The following CCL22 variants were observed in gnomAD, a reference collection of about 807,000 sequenced individuals.
CCL22 encodes C-C motif chemokine ligand 22.
Under a neutral mutation model 7.6 loss-of-function variants are expected in CCL22, and 7 were observed. That is an observed-to-expected ratio of 0.92 (90% CI 0.52 to 1.72). The LOEUF is 1.72. Ranked by LOEUF, CCL22 falls within the 40% of genes most tolerant of loss-of-function variation. The probability of loss-of-function intolerance (pLI) is 0.00; values close to 1 mark genes in which losing one functional copy is unlikely to be tolerated. For synonymous variants in CCL22, 55 were observed against 47.2 expected (o/e 1.17, Z -0.68); for missense variants, 115 against 124.7 (o/e 0.92, Z 0.37).
chr16:57,361,809 C>G (rs1902053273), intron 2 of CCL22, among the ~76,000 whole-genome samples: 1 of 152,256 alleles, frequency 6.6e-6, no homozygotes, highest in Admixed American at 6.5e-5. Flanking sequence ...TCTCATCTTC[C>G]TCCTCCTTAT....
intron 2 of CCL22, among the ~76,000 whole-genome samples, chr16:57,361,258 CAAAAAAA>C (rs68168072): frequency 9.6e-5 from 11 of 114,696 alleles, no homozygotes; most frequent in African/African-American, 1.1e-4. Flanking sequence ...GACTCTGTCT[CAAAAAAA>C]AAAAAAAAAA....
chr16:57,359,912 C>T (rs1039358180), intron 1 of CCL22, among the ~76,000 whole-genome samples: 1 of 152,206 alleles, frequency 6.6e-6, no homozygotes, highest in Non-Finnish European at 1.5e-5. Flanking sequence ...GGATTACAGG[C>T]GTGAGCCACT....
chr16:57,358,452 C>T (rs1193309925), upstream of CCL22, among the ~76,000 whole-genome samples: 1 of 152,228 alleles, frequency 6.6e-6, no homozygotes, highest in African/African-American at 2.4e-5. Context: ...GAAACCATCT[C>T]CCCCATTTCC....
At position 57,360,494 on chromosome 16, in the gene CCL22, G is replaced by A. The variant is rs756851121; in HGVS notation, c.131G>A (p.Arg44His). ...TGCTGCCGTGATTACGTCCGTTACC[G>A]TCTGCCCCTGCGCGTGGTGAAACAC... is the stretch of plus-strand genomic sequence containing the variant. ...SVCCRDYVRY[R>H]LPLRVVKHFY... Residue 44 changes from arginine to histidine, a missense_variant, in exon 2 of 3, where the codon CGT becomes CAT. Transcript: ENST00000219235. 2.5e-5 allele frequency: 40 copies of A among 1,614,062 alleles called. 1 individual carries two copies. The Middle Eastern group carries it at 9.9e-4, about 40-fold the overall frequency.
At chr16:57,360,873 G>A (rs1902041650) in intron 2 of CCL22, among the ~76,000 whole-genome samples, 2 of 152,242 alleles carry the variant, frequency 1.3e-5, no homozygotes, top group Admixed American at 1.3e-4. Context: ...TAGGTAGTCA[G>A]TAGCTGTGGC....
chr16:57,361,285 C>A (rs1597990371), intron 2 of CCL22, among the ~76,000 whole-genome samples: 1 of 150,690 alleles, frequency 6.6e-6, no homozygotes, highest in African/African-American at 2.5e-5. Flanking sequence ...AAAAAATGCT[C>A]ACACCAGAAG....
chr16:57,358,950 C>A, intron 1 of CCL22, 61 bp downstream of exon 1: 1 of 1,306,202 alleles, frequency 7.7e-7, no homozygotes, highest in African/African-American at 1.4e-5. Flanking sequence ...GGGTGTCTTC[C>A]TCATGTCTTG....
upstream of CCL22, among the ~76,000 whole-genome samples, chr16:57,358,601 G>T (rs1176951133): frequency 6.6e-6 from 1 of 152,200 alleles, no homozygotes; most frequent in African/African-American, 2.4e-5. Context: ...GTTGAGGGGG[G>T]GTCCCCTCTG....
chr16:57,362,022 G>A (rs1164797639), intron 2 of CCL22, among the ~76,000 whole-genome samples: 1 of 152,202 alleles, frequency 6.6e-6, no homozygotes, highest in Non-Finnish European at 1.5e-5. Context: ...TCTGCCGTAA[G>A]CACTTTATAA....
chr16:57,363,463 G>C (rs1902071102), intron 2 of CCL22, 41 bp from the exon 3 acceptor site: 1 of 1,350,318 alleles, frequency 7.4e-7, no homozygotes, highest in African/African-American at 1.4e-5. Flanking sequence ...CTTGCTGCGT[G>C]CTAATGTTGC....
chr16:57,361,745 A>G (rs763265148), intron 2 of CCL22, among the ~76,000 whole-genome samples: 9 of 151,826 alleles, frequency 5.9e-5, no homozygotes, highest in Non-Finnish European at 1.0e-4. Flanking sequence ...CAAATCTCAC[A>G]CCTGGGGAGG....
chr16:57,358,316 T>C (rs906292086), upstream of CCL22, among the ~76,000 whole-genome samples: 4 of 152,184 alleles, frequency 2.6e-5, no homozygotes, highest in African/African-American at 7.2e-5. Context: ...AATGGGTCCA[T>C]AGGCCTCTCC....
chr16:57,359,460 C>T (rs979219502), intron 1 of CCL22, among the ~76,000 whole-genome samples: 3 of 151,474 alleles, frequency 2.0e-5, no homozygotes, highest in South Asian at 2.1e-4. Context: ...GGATTACAGG[C>T]ATGCACCACC....
chr16:57,360,675 A>T, intron 2 of CCL22, 115 bp downstream of exon 2: 1 of 1,253,992 alleles, frequency 8.0e-7, no homozygotes, highest in Non-Finnish European at 1.1e-6. Context: ...TGGCAGGGCT[A>T]CCAGATGCCT....
chr16:57,360,607 A>T, intron 2 of CCL22, 47 bp downstream of exon 2: 1 of 1,612,056 alleles, frequency 6.2e-7, no homozygotes, highest in Non-Finnish European at 8.5e-7. Flanking sequence ...CCTGACGGGT[A>T]CAGCCTGGGA....
chr16:57,358,293 C>T (rs1037658724), upstream of CCL22, among the ~76,000 whole-genome samples: 7 of 152,182 alleles, frequency 4.6e-5, no homozygotes, highest in Non-Finnish European at 1.0e-4. Flanking sequence ...TCACGAGAAG[C>T]CCCAGATGGG....
chr16:57,360,598 C>T (rs1902038365), intron 2 of CCL22, 38 bp downstream of exon 2: 1 of 1,613,144 alleles, frequency 6.2e-7, no homozygotes, highest in African/African-American at 1.3e-5. Context: ...CTTGGTGGGC[C>T]TGACGGGTAC....
At chr16:57,358,015 G>A (rs1902005958), upstream of CCL22, among the ~76,000 whole-genome samples, 1 of 152,206 alleles carries the variant, frequency 6.6e-6, no homozygotes, top group South Asian at 2.1e-4. Context: ...GCTGCAGGGT[G>A]GGGATGGCAT....
Position 57,363,653 on chromosome 16 carries a change from C to A in CCL22, c.*65C>A. 1.0e-6 allele frequency: 1 copy of A among 958,898 alleles called. No homozygotes were observed. The highest frequency in any genetic ancestry group is 1.7e-6 in the Non-Finnish European group (1 of 590,316). 59.4% of individuals were successfully genotyped at this position (958,898 alleles called of 1,614,324 possible). A position where few individuals can be genotyped will look rare whatever the true frequency, so the allele number is the denominator to read the frequency against. On this transcript the variant is annotated 3_prime_UTR_variant, in exon 3 of 3. Coordinates refer to ENST00000219235, the MANE Select transcript of CCL22 (RefSeq NM_002990.5). ...AAGGCTCAGGAGCCCTACCTCCCTG[C>A]CATTATAGCTGCTCCCCGCCAGAAG...
Sources: allele counts gnomAD v4.1 joint callset (sites outside exome capture counted in the v4.1 genomes callset), GRCh38; gene constraint gnomAD v4.1.1; transcripts MANE v1.5; gene names NCBI Gene and HGNC (gene_info 2026-07-23, HGNC 2026-07-21).